TMEM131: variants seen among roughly 807,000 people sequenced by gnomAD.
The protein encoded by TMEM131 is 2610524E03Rik.
TMEM131 carries 66 observed loss-of-function variants against 211.6 expected under a neutral mutation model. The observed-to-expected ratio is 0.31, with a 90% CI of 0.26 to 0.38. TMEM131 has a LOEUF of 0.38. TMEM131 is among the 10% of genes least tolerant of loss of function. The pLI is 1.00. For synonymous variants in TMEM131, 844 were observed against 841.3 expected, an observed-to-expected ratio of 1.00 and a Z score of -0.06; for missense variants, 2,036 against 2,299.3, an observed-to-expected ratio of 0.89 and a Z score of 2.34.
chr2:97,849,843 G>T (rs1673532178), intron 5 of TMEM131, among the ~76,000 whole-genome samples: 1 of 149,708 alleles, frequency 6.7e-6, no homozygotes, highest in African/African-American at 2.5e-5. Context: ...CCTGGGGCAA[G>T]AACAAATAAT....
At chr2:97,888,830 CAG>C (rs1245792429) in intron 3 of TMEM131, among the ~76,000 whole-genome samples, 2 of 152,026 alleles carry the variant, frequency 1.3e-5, no homozygotes, top group Non-Finnish European at 2.9e-5. Context: ...GAAATTCAGT[CAG>C]AAAGTCAGAA....
intron 25 of TMEM131, among the ~76,000 whole-genome samples, chr2:97,801,577 T>TA (rs1489908729): frequency 1.3e-5 from 2 of 152,222 alleles, no homozygotes; most frequent in Non-Finnish European, 2.9e-5. Context: ...TGATGCTTAA[T>TA]AAAAATCAAT....
chr2:97,918,169 C>T (rs1313200259), intron 2 of TMEM131, among the ~76,000 whole-genome samples: 2 of 151,980 alleles, frequency 1.3e-5, no homozygotes, highest in South Asian at 4.2e-4. Flanking sequence ...GTCTCGAACT[C>T]CTGACCACAG....
At chr2:97,880,934 A>C (rs940114154) in intron 4 of TMEM131, among the ~76,000 whole-genome samples, 1 of 152,224 alleles carries the variant, frequency 6.6e-6, no homozygotes, top group African/African-American at 2.4e-5. Flanking sequence ...AGGCAGGGAA[A>C]GATCTGAGAG....
intron 1 of TMEM131, among the ~76,000 whole-genome samples, chr2:97,985,197 A>G (rs554368954): frequency 1.3e-5 from 2 of 152,312 alleles, no homozygotes; most frequent in East Asian, 3.9e-4. Flanking sequence ...ACAGAAAAAC[A>G]TAAGGATGCC....
chr2:97,864,001 A>T (rs889034415), intron 4 of TMEM131, among the ~76,000 whole-genome samples: 15 of 152,144 alleles, frequency 9.9e-5, no homozygotes, highest in South Asian at 4.1e-4. Flanking sequence ...ATGAATGGAT[A>T]AAAAAAATGT....
chr2:97,837,169 G>A lies in TMEM131; in HGVS notation c.724-12C>T, dbSNP rs191086858. 660 of 1,580,972 alleles carry A rather than the reference G, an allele frequency of 4.2e-4. No homozygotes were observed. The highest frequency in any genetic ancestry group is 1.4e-3 in the Admixed American group (73 of 51,728). ...TACATTTCTACAACCTGGGGCAAAA[G>A]AGCACATGATGGCTACGTTCAAAGT... On this transcript the variant is annotated splice_polypyrimidine_tract_variant and intron_variant, in intron 7 of 40. Transcript: ENST00000186436.
intron 1 of TMEM131, among the ~76,000 whole-genome samples, chr2:97,979,047 A>G (rs535677395): frequency 5.8e-4 from 88 of 152,360 alleles, no homozygotes; most frequent in Admixed American, 1.3e-3. Flanking sequence ...CATCTCCATC[A>G]GTGCTCCTGG....
Position 97,766,579 on chromosome 2 carries a change from G to A in TMEM131, c.4472C>T (p.Pro1491Leu), listed in dbSNP as rs977025459. 9 of 1,613,760 alleles carry A rather than the reference G, an allele frequency of 5.6e-6. No homozygotes were observed. Among genetic ancestry groups the A allele is most frequent in the Non-Finnish European group, 7.6e-6 (9 of 1,179,836 alleles). Residue 1491 changes from proline (P) to leucine (L), a missense_variant, in exon 34 of 41, where the codon CCC (proline) becomes CTC (leucine). Around this residue, in one of 3 missense-constraint regions of TMEM131, gnomAD observed 1,623 missense variants for 1,805.9 expected, o/e 0.90. Coordinates refer to ENST00000186436, the MANE Select transcript of TMEM131 (RefSeq NM_015348.2). Reference protein sequence around the residue: ...KPSSLELPYTPPLESKQRRNL... With the variant: ...KPSSLELPYTLPLESKQRRNL... The stretch of plus-strand genomic sequence containing the variant: ...TCTACGTTGCTTACTTTCCAAAGGG[G>A]GAGTATATGGTAGTTCTAATGAACT...
At chr2:97,922,582 A>G (rs549172782) in intron 2 of TMEM131, among the ~76,000 whole-genome samples, 5 of 152,330 alleles carry the variant, frequency 3.3e-5, no homozygotes, top group African/African-American at 1.2e-4. Flanking sequence ...AATGCTGTGA[A>G]TCTTAGAAAC....
chr2:97,862,473 A>C (rs946885416), intron 4 of TMEM131, among the ~76,000 whole-genome samples: 1 of 152,150 alleles, frequency 6.6e-6, no homozygotes, highest in Admixed American at 6.5e-5. Flanking sequence ...AAATTCAAAG[A>C]AATTCAAGAT....
At chr2:97,896,231 T>C (rs1353640163) in intron 3 of TMEM131, among the ~76,000 whole-genome samples, 1 of 151,806 alleles carries the variant, frequency 6.6e-6, no homozygotes, top group Non-Finnish European at 1.5e-5. Context: ...TCTGAGAAAC[T>C]GTTATGATTT....
chr2:97,815,801 A>T (rs1231686942), intron 12 of TMEM131, among the ~76,000 whole-genome samples: 1 of 152,036 alleles, frequency 6.6e-6, no homozygotes, highest in Non-Finnish European at 1.5e-5. Flanking sequence ...AGGCAAAATT[A>T]CCCCCCACTT....
intron 1 of TMEM131, among the ~76,000 whole-genome samples, chr2:97,955,178 G>GA (rs987421742): frequency 2.0e-5 from 3 of 151,152 alleles, no homozygotes; most frequent in Admixed American, 6.6e-5. Flanking sequence ...ATCAACATTT[G>GA]AAAAAAAATT....
At chr2:97,795,826 G>A (rs987240678) in intron 28 of TMEM131, among the ~76,000 whole-genome samples, 1 of 152,100 alleles carries the variant, frequency 6.6e-6, no homozygotes, top group Non-Finnish European at 1.5e-5. Flanking sequence ...TTACATATCC[G>A]TATACTGCAA....
In TMEM131 at chr2:97,759,707, G is replaced by A; in HGVS notation, c.5151C>T (p.Asp1717=). The change falls in exon 39 of 41, where the codon GAC becomes GAT. Residue 1717 remains aspartate (D), a synonymous_variant. Coordinates refer to ENST00000186436, the MANE Select transcript of TMEM131 (RefSeq NM_015348.2). ...WSPVSNPSSP[D]FTPLNSFSAF... is the part of the protein sequence containing the mutation. The stretch of plus-strand genomic sequence containing the variant: ...CGGAGAACGAATTGAGGGGAGTGAA[G>A]TCAGGGCTGCTTGGGTTGCTGACGG... The A allele has an allele frequency of 6.2e-7, 1 of 1,613,764 alleles. No individual in the cohort carries two copies. The highest frequency in any genetic ancestry group is 8.5e-7 in the Non-Finnish European group (1 of 1,179,806).
At chr2:97,832,004 CAAAAAAAAA>C (rs770432398) in intron 11 of TMEM131, among the ~76,000 whole-genome samples, 8 of 60,272 alleles carry the variant, frequency 1.3e-4, no homozygotes, top group East Asian at 5.7e-4. Context: ...AAGTCACTTC[CAAAAAAAAA>C]AAAAAAAAAA....
Position 97,814,293 on chromosome 2 carries a change from C to T in TMEM131, c.1388G>A (p.Ser463Asn), listed in dbSNP as rs1681710650. 6.2e-7 allele frequency: 1 copy of T among 1,613,824 alleles called. No individual in the cohort carries two copies. The highest frequency in any genetic ancestry group is 1.3e-5 in the African/African-American group (1 of 75,000). The change falls in exon 14 of 41, where the codon AGT becomes AAT. Residue 463 changes from serine to asparagine, a missense_variant. Coordinates refer to ENST00000186436, the MANE Select transcript of TMEM131 (RefSeq NM_015348.2). ...CACATCGTGAATGAGGATCGCAAAA[C>T]TGAAAGTGTTAGTAAGGTAAATTGG... ...ERPIYLTNTF[S>N]FAILIHDVLL...
At chr2:97,937,571 T>A (rs1441486009) in intron 1 of TMEM131, among the ~76,000 whole-genome samples, 3 of 152,052 alleles carry the variant, frequency 2.0e-5, no homozygotes, top group Admixed American at 6.5e-5. Flanking sequence ...AAATAAATTT[T>A]AAAAATTCAG....
Sources: allele counts gnomAD v4.1 joint callset (sites outside exome capture counted in the v4.1 genomes callset), GRCh38; gene constraint gnomAD v4.1.1; regional missense constraint gnomAD v4.1.1; transcripts MANE v1.5; gene names NCBI Gene and HGNC (gene_info 2026-07-23, HGNC 2026-07-21).